The following RNF103 variants were observed in gnomAD, a reference collection of about 807,000 sequenced individuals.
The protein encoded by RNF103 is ring finger protein 103.
In RNF103, 23 loss-of-function variants were observed where a neutral mutation model predicts 66.2. The observed-to-expected ratio is 0.35, with a 90% confidence interval of 0.25 to 0.49. The LOEUF (loss-of-function observed/expected upper bound fraction) is 0.49. RNF103 is among the 20% of genes least tolerant of loss of function. The pLI is 0.98. For synonymous variants in RNF103, 297 were observed against 289.9 expected (o/e 1.02, Z -0.25); for missense variants, 730 against 814.7 (o/e 0.90, Z 1.27).
Position 86,620,470 on chromosome 2 carries a change from C to T in RNF103, c.227-1G>A. The stretch of plus-strand genomic sequence containing the variant: ...TAGAGCTCACCCTCCATCAAGTCAC[C>T]TGAAGAAAGGAAAAGAATAACACTA... On this transcript the variant is annotated splice_acceptor_variant, in intron 1 of 3. Transcript: ENST00000237455. LOFTEE classifies it high-confidence loss of function. 6.4e-7 allele frequency: 1 copy of T among 1,567,082 alleles called. No individual in the cohort carries two copies.
At chr2:86,620,265 A>C in intron 2 of RNF103, 65 bp downstream of exon 2, 1 of 1,507,206 alleles carries the variant, frequency 6.6e-7, no homozygotes, top group Admixed American at 1.9e-5. Context: ...GCTGGTACAT[A>C]CTATTTTGGT....
At chr2:86,606,662 CA>C (rs200897796) in intron 3 of RNF103, among the ~76,000 whole-genome samples, 257 of 97,320 alleles carry the variant, frequency 2.6e-3, no homozygotes, top group African/African-American at 6.6e-3. Context: ...AACTTCGTCT[CA>C]AAAAAAAAAA....
Position 86,604,851 on chromosome 2 carries a change from T to A in RNF103, c.1050A>T (p.Ile350=), listed in dbSNP as rs749749696. Reference sequence around the variant, plus strand: ...TGCTTATGAGAACCACAAATCGCTTTATGGTAGCTCCTTGTGTAATAAATA... The same window carrying A: ...TGCTTATGAGAACCACAAATCGCTTAATGGTAGCTCCTTGTGTAATAAATA... The part of the protein sequence containing the change: ...MDLFITQGAT[I]KRFVVLISTL... Residue 350 remains isoleucine (I), a synonymous_variant, in exon 4 of 4, where the codon ATA becomes ATT. Transcript: ENST00000237455. 4 of 1,614,138 alleles carry A rather than the reference T, an allele frequency of 2.5e-6. No homozygotes were observed. The Admixed American group carries it at 6.7e-5, about 27-fold the overall frequency.
In RNF103 at chr2:86,603,433, T is replaced by G. The variant is rs537808976; in HGVS notation, c.*410A>C. ...AAAATAATTTATTTCATAGGTCTGTTTTAATTTCATGTCTCACAGCATACA... is the reference window on the plus strand; with the variant it reads ...AAAATAATTTATTTCATAGGTCTGTGTTAATTTCATGTCTCACAGCATACA... On this transcript the variant is annotated 3_prime_UTR_variant, in exon 4 of 4. Transcript: ENST00000237455. 3.7e-5 allele frequency: 6 copies of G among 163,752 alleles called. No individual in the cohort carries two copies. Among genetic ancestry groups the G allele is most frequent in the African/African-American group, 1.2e-4 (5 of 41,884 alleles). 10.1% of individuals were successfully genotyped at this position (163,752 alleles called of 1,614,324 possible).
rs1293760202 is a variant in RNF103 at position 86,612,194 on chromosome 2, T to A, written c.447A>T (p.Ile149=). 6.2e-7 allele frequency: 1 copy of A among 1,613,790 alleles called. No homozygotes were observed. The highest frequency in any genetic ancestry group is 2.2e-5 in the East Asian group (1 of 44,842). The change falls in exon 3 of 4, where the codon ATA becomes ATT. Residue 149 remains isoleucine, a synonymous_variant. Coordinates refer to ENST00000237455, the MANE Select transcript of RNF103 (RefSeq NM_005667.4). Reference sequence around the variant, plus strand: ...TGGAACAGTTAAATGTGCCTGTACGTATTCCAAATCTTGACACCTTTTTAA... The same window carrying A: ...TGGAACAGTTAAATGTGCCTGTACGAATTCCAAATCTTGACACCTTTTTAA... ...KMVKKVSRFG[I]RTGTFNCSSD...
intron 2 of RNF103, chr2:86,613,326 A>C (rs576278405): frequency 3.9e-5 from 6 of 152,170 alleles, no homozygotes; most frequent in Admixed American, 3.9e-4. Flanking sequence ...TTTATCTCCT[A>C]ATCTTCCTGC....
intron 2 of RNF103, chr2:86,612,879 A>G (rs1402538926): frequency 6.6e-6 from 1 of 152,230 alleles, no homozygotes; most frequent in African/African-American, 2.4e-5. Context: ...CTTTAATGTA[A>G]TGAATTTTAC....
chr2:86,617,864 G>T, intron 2 of RNF103: 1 of 1,090,452 alleles, frequency 9.2e-7, no homozygotes, highest in Non-Finnish European at 1.2e-6. Context: ...CTAGTTCACA[G>T]TGCCAAGGAC....
Position 86,623,219 on chromosome 2 carries a change from A to C in RNF103, c.-333T>G. ...GGGGAGAGCTCGCGGGGAAGAACAA[A>C]ACGAGGGACGCTTCCCCCGGGGCGG... On this transcript the variant is annotated 5_prime_UTR_variant, in exon 1 of 4. Coordinates refer to ENST00000237455, the MANE Select transcript of RNF103 (RefSeq NM_005667.4). 3.9e-6 allele frequency: 4 copies of C among 1,013,682 alleles called. No individual in the cohort carries two copies. The highest frequency in any genetic ancestry group is 2.0e-4 in the East Asian group (2 of 10,064). The allele number at this position is 1,013,682 out of a possible 1,614,324, so 62.8% of individuals were successfully genotyped here. A position where few individuals can be genotyped will look rare whatever the true frequency, so the allele number is the denominator to read the frequency against.
chr2:86,614,833 T>C (rs1678956408), intron 2 of RNF103: 2 of 985,210 alleles, frequency 2.0e-6, no homozygotes, highest in South Asian at 9.4e-5. Flanking sequence ...CTCTACTCTT[T>C]GCCCTCTTTT....
At position 86,604,367 on chromosome 2, in the gene RNF103, A is replaced by G. The variant is rs773720278; in HGVS notation, c.1534T>C (p.Leu512=). ...PLIPTDYIKN[L]PMWRFKCLGV... ...AGACATTTAAATCGCCACATTGGTAAGTTTTTAATATAATCAGTTGGTATC... is the reference window on the plus strand; with the variant it reads ...AGACATTTAAATCGCCACATTGGTAGGTTTTTAATATAATCAGTTGGTATC... Residue 512 remains leucine (L), a synonymous_variant, in exon 4 of 4, where the codon TTA becomes CTA. Transcript: ENST00000237455. The G allele has an allele frequency of 6.2e-7, 1 of 1,614,214 alleles. No individual in the cohort carries two copies. The highest frequency in any genetic ancestry group is 8.5e-7 in the Non-Finnish European group (1 of 1,180,042).
chr2:86,612,093 T>G, intron 3 of RNF103, 66 bp downstream of exon 3: 4 of 975,618 alleles, frequency 4.1e-6, no homozygotes, highest in Non-Finnish European at 6.4e-6. Context: ...CTAGTATCAT[T>G]GCCCTTTTTA....
In RNF103 at chr2:86,605,228, C is replaced by T. The variant is rs763341633; in HGVS notation, c.673G>A (p.Glu225Lys). 6.2e-7 allele frequency: 1 copy of T among 1,614,062 alleles called. No individual in the cohort carries two copies. Among genetic ancestry groups the T allele is most frequent in the East Asian group, 2.2e-5 (1 of 44,880 alleles). The change falls in exon 4 of 4, where the codon GAA (glutamate) becomes AAA (lysine). Residue 225 changes from glutamate (E) to lysine (K), a missense_variant. Around this residue, in one of 3 missense-constraint regions of RNF103, gnomAD observed 327 missense variants for 369.8 expected, o/e 0.88. Transcript: ENST00000237455. ...KTIYNAEHLK[E>K]EWNKSDQYWL... ...TACTGATCACTTTTATTCCATTCTT[C>T]TTTCAAGTGTTCAGCATTATAAATG...
chr2:86,622,645 G>A lies in RNF103; in HGVS notation c.226+16C>T, dbSNP rs760576131. ...CTCCCAGGTGGAGGGGACCCTAGGGGAAGCCCGATACTCGCCTGACTTTTC... is the reference window on the plus strand; with the variant it reads ...CTCCCAGGTGGAGGGGACCCTAGGGAAAGCCCGATACTCGCCTGACTTTTC... On this transcript the variant is annotated intron_variant, in intron 1 of 3. Transcript: ENST00000237455. The A allele has an allele frequency of 3.6e-5, 58 of 1,613,680 alleles. 3 individuals are homozygous for A. In the South Asian group the frequency reaches 5.6e-4, roughly 16 times the overall value.
chr2:86,612,373 A>T (rs1678833400), intron 2 of RNF103, 99 bp from the exon 3 acceptor site: 10 of 675,198 alleles, frequency 1.5e-5, no homozygotes, highest in Non-Finnish European at 2.6e-5. Context: ...AAAAAAAGAT[A>T]TTCTGTTCCC....
chr2:86,620,561 T>C (rs1283504724), intron 1 of RNF103, 92 bp from the exon 2 acceptor site: 3 of 1,356,590 alleles, frequency 2.2e-6, no homozygotes, highest in Non-Finnish European at 2.9e-6. Flanking sequence ...TTAAGAATCA[T>C]GATATTGTAC....
intron 3 of RNF103, among the ~76,000 whole-genome samples, chr2:86,606,398 C>T (rs1455593862): frequency 2.6e-5 from 4 of 152,120 alleles, no homozygotes; most frequent in Admixed American, 2.6e-4. Flanking sequence ...GGTGCAGTGG[C>T]TCACACCTGT....
In RNF103 at chr2:86,623,108, G is replaced by T; in HGVS notation, c.-222C>A. On this transcript the variant is annotated 5_prime_UTR_variant, in exon 1 of 4. Coordinates refer to ENST00000237455, the MANE Select transcript of RNF103 (RefSeq NM_005667.4). Reference sequence around the variant, plus strand: ...GGGACGCAGAGACGCAGAGCCTCGCGCCGGGCCTCCCAGTCAAGAGCCGAC... The same window carrying T: ...GGGACGCAGAGACGCAGAGCCTCGCTCCGGGCCTCCCAGTCAAGAGCCGAC... The T allele has an allele frequency of 8.0e-7, 1 of 1,248,008 alleles. No individual in the cohort carries two copies. Among genetic ancestry groups the T allele is most frequent in the Non-Finnish European group, 1.0e-6 (1 of 999,334 alleles). 77.3% of individuals were successfully genotyped at this position (1,248,008 alleles called of 1,614,324 possible).
Position 86,612,084 on chromosome 2 carries a change from T to C in RNF103, c.482+75A>G, listed in dbSNP as rs574709072. 62 of 866,302 alleles carry C rather than the reference T, an allele frequency of 7.2e-5. No individual in the cohort carries two copies. In the African/African-American group the frequency reaches 1.0e-3, roughly 14 times the overall value. The allele number at this position is 866,302 out of a possible 1,614,324, so 53.7% of individuals were successfully genotyped here. ...TAAGCTTTCAGTTCAAGCAGGCTTC[T>C]AGTATCATTGCCCTTTTTAAATAAG... On this transcript the variant is annotated intron_variant, in intron 3 of 3. Coordinates refer to ENST00000237455, the MANE Select transcript of RNF103 (RefSeq NM_005667.4).
Sources: gnomAD v4.1 joint callset for allele counts (sites outside exome capture counted in the v4.1 genomes callset) on GRCh38, gnomAD v4.1.1 for gene constraint, gnomAD v4.1.1 regional missense constraint, MANE v1.5 for transcripts, NCBI Gene and HGNC (gene_info 2026-07-23, HGNC 2026-07-21) for gene names.